Variants in PLXNA4 observed in about 807,000 individuals in gnomAD.
PLXNA4 encodes the protein plexin-A4.
PLXNA4 carries 44 observed loss-of-function variants against 191.8 expected under a neutral mutation model. The ratio of observed to expected loss-of-function variants is 0.23; its 90% CI spans 0.18 to 0.29. PLXNA4 has a LOEUF of 0.29. PLXNA4 is among the 10% of genes least tolerant of loss of function. The probability of loss-of-function intolerance (pLI) is 1.00; values close to 1 mark genes in which losing one functional copy is unlikely to be tolerated. For synonymous variants in PLXNA4, 1,082 were observed against 1,009.5 expected (o/e 1.07, Z -1.36); for missense variants, 1,800 against 2,488.8 (o/e 0.72, Z 5.89).
chr7:132,196,244 T>A (rs1427879769), intron 13 of PLXNA4, among the ~76,000 whole-genome samples: 1 of 152,254 alleles, frequency 6.6e-6, no homozygotes, highest in African/African-American at 2.4e-5. Flanking sequence ...AATCTCCTTG[T>A]GAAGTCCAAG....
rs566924922 is a variant in PLXNA4, at chr7:132,636,634, G to C, written c.-87+9294C>G. ...TCACCTGCCAAAACCCTGCTCTGCTGTTGCCCTTCCAGATTCACGTAAAGC... is the reference window on the plus strand; with the variant it reads ...TCACCTGCCAAAACCCTGCTCTGCTCTTGCCCTTCCAGATTCACGTAAAGC... On this transcript the variant is annotated intron_variant, in intron 2 of 4. Coordinates refer to the PLXNA4 transcript ENST00000378539. 2.6e-5 allele frequency among the ~76,000 whole-genome samples: 4 copies of C among 152,328 alleles called. No homozygotes were observed. In the East Asian group the frequency reaches 7.7e-4, roughly 29 times the overall value.
chr7:132,207,613 C>T (rs942118481), intron 10 of PLXNA4, among the ~76,000 whole-genome samples: 2 of 152,230 alleles, frequency 1.3e-5, no homozygotes, highest in Non-Finnish European at 2.9e-5. Context: ...TTGGAAATGG[C>T]TCCACCACCC....
intron 3 of PLXNA4, among the ~76,000 whole-genome samples, chr7:132,485,619 A>G (rs532992723): frequency 6.6e-6 from 1 of 152,366 alleles, no homozygotes; most frequent in Admixed American, 6.5e-5. Flanking sequence ...AAGCCAGTCA[A>G]GATGGCATTT....
intron 20 of PLXNA4, among the ~76,000 whole-genome samples, chr7:132,179,029 C>T (rs1325536495): frequency 4.2e-5 from 4 of 95,908 alleles, no homozygotes; most frequent in South Asian, 4.8e-4. Context: ...TACAGGCGCG[C>T]GCGCACACAC....
At chr7:132,145,516 C>CCTA in intron 28 of PLXNA4, 1 of 570,122 alleles carries the variant, frequency 1.8e-6, no homozygotes, top group Non-Finnish European at 3.0e-6. Context: ...GATGACTGGA[C>CCTA]CTACGTAAGG....
chr7:132,446,145 A>C (rs1243068642), intron 3 of PLXNA4, among the ~76,000 whole-genome samples: 1 of 152,244 alleles, frequency 6.6e-6, no homozygotes, highest in African/African-American at 2.4e-5. Flanking sequence ...CTACACGTGG[A>C]TAACAGTGCA....
At chr7:132,624,109 A>G (rs1803325227) in intron 2 of PLXNA4, among the ~76,000 whole-genome samples, 1 of 152,206 alleles carries the variant, frequency 6.6e-6, no homozygotes, top group South Asian at 2.1e-4. Context: ...ATTGTCATTT[A>G]ATAGAAACAG....
intron 3 of PLXNA4, among the ~76,000 whole-genome samples, chr7:132,362,812 C>A (rs1314848255): frequency 6.6e-6 from 1 of 152,108 alleles, no homozygotes; most frequent in African/African-American, 2.4e-5. Context: ...AACTAATGTA[C>A]ATATATGAAT....
intron 2 of PLXNA4, among the ~76,000 whole-genome samples, chr7:132,608,457 T>C (rs374748832): frequency 6.6e-6 from 1 of 152,186 alleles, no homozygotes; most frequent in Non-Finnish European, 1.5e-5. Flanking sequence ...CGAGGAACAC[T>C]CAGTCCAATG....
At chr7:132,321,437 C>T (rs1048341071) in intron 3 of PLXNA4, among the ~76,000 whole-genome samples, 1 of 151,436 alleles carries the variant, frequency 6.6e-6, no homozygotes, top group Non-Finnish European at 1.5e-5. Context: ...ATGCTCATTG[C>T]GCTGGCTGTG....
chr7:132,308,144 T>G (rs771044171), intron 3 of PLXNA4, among the ~76,000 whole-genome samples: 2 of 152,070 alleles, frequency 1.3e-5, no homozygotes, highest in Non-Finnish European at 2.9e-5. Context: ...GGGAAGTCAA[T>G]AGGGCTGATA....
chr7:132,282,365 G>A (rs1182318691), intron 4 of PLXNA4, among the ~76,000 whole-genome samples: 2 of 151,902 alleles, frequency 1.3e-5, no homozygotes, highest in Non-Finnish European at 2.9e-5. Context: ...TTGAGCTCAC[G>A]AGTTTGAGAC....
chr7:132,536,624 GAA>G (rs879536008), intron 1 of PLXNA4, among the ~76,000 whole-genome samples: 1,939 of 152,284 alleles, frequency 0.013, 19 homozygotes, highest in Middle Eastern at 0.044. Context: ...AGATTAATTA[GAA>G]GGCCAGTCCT....
intron 2 of PLXNA4, among the ~76,000 whole-genome samples, chr7:132,643,339 C>G (rs1803788931): frequency 6.6e-6 from 1 of 152,178 alleles, no homozygotes; most frequent in African/African-American, 2.4e-5. Context: ...AGAGCCCCCA[C>G]AGTGCCTAAC....
intron 31 of PLXNA4, 102 bp downstream of exon 31, chr7:132,132,946 TG>T (rs888817114): frequency 2.0e-6 from 3 of 1,487,798 alleles, no homozygotes; most frequent in Admixed American, 4.3e-5. Flanking sequence ...CCAGCAGAGG[TG>T]GATGTGTCTG....
chr7:132,460,017 A>T (rs1442191204), intron 3 of PLXNA4, among the ~76,000 whole-genome samples: 1 of 151,800 alleles, frequency 6.6e-6, no homozygotes, highest in East Asian at 1.9e-4. Flanking sequence ...GGCAACCGAT[A>T]GCAAGAATAC....
At chr7:132,243,814 A>G (rs1798959898) in intron 4 of PLXNA4, among the ~76,000 whole-genome samples, 1 of 151,600 alleles carries the variant, frequency 6.6e-6, no homozygotes, top group African/African-American at 2.4e-5. Flanking sequence ...ACTGTCACTT[A>G]CCTCTCCCCG....
rs573873171 is a variant in PLXNA4, at chr7:132,485,341, G to A, written c.1371+3951C>T. 1.1e-4 allele frequency among the ~76,000 whole-genome samples: 16 copies of A among 152,294 alleles called. No individual in the cohort carries two copies. The South Asian group carries it at 1.7e-3, about 16-fold the overall frequency. Reference sequence around the variant, plus strand: ...ATCCAGGGAAGACGCAATCACCAGCGAGAGGAGCAATCACACCTCAAGTGG... The same window carrying A: ...ATCCAGGGAAGACGCAATCACCAGCAAGAGGAGCAATCACACCTCAAGTGG... On this transcript the variant is annotated intron_variant, in intron 3 of 31. Transcript: ENST00000321063.
At chr7:132,399,284 G>C (rs1338929306) in intron 3 of PLXNA4, among the ~76,000 whole-genome samples, 1 of 152,208 alleles carries the variant, frequency 6.6e-6, no homozygotes, top group Non-Finnish European at 1.5e-5. Flanking sequence ...TTGTATGTCA[G>C]TCAAAGACAC....
Sources: allele counts gnomAD v4.1 joint callset (sites outside exome capture counted in the v4.1 genomes callset), GRCh38; gene constraint gnomAD v4.1.1; transcripts MANE v1.5; gene names NCBI Gene and HGNC (gene_info 2026-07-23, HGNC 2026-07-21).